TBCK: variants seen among roughly 807,000 people sequenced by gnomAD.
TBCK encodes TBC1 domain containing kinase.
Under a neutral mutation model 113.4 loss-of-function variants are expected in TBCK, and 99 were observed. The observed-to-expected ratio is 0.87, with a 90% CI of 0.74 to 1.03. TBCK has a LOEUF of 1.03. Among genes scored for constraint, TBCK ranks in the 50% least tolerant of loss-of-function variants. The pLI is 0.00. For synonymous variants in TBCK, 369 were observed against 370.8 expected, an observed-to-expected ratio of 1.00 and a Z score of 0.05; for missense variants, 1,045 against 1,061.3, an observed-to-expected ratio of 0.98 and a Z score of 0.21.
intron 11 of TBCK, 33 bp from the exon 12 acceptor site, chr4:106,242,602 C>G (rs1166653225): frequency 6.9e-7 from 1 of 1,455,366 alleles, no homozygotes; most frequent in Admixed American, 1.9e-5. Context: ...AATATGTACA[C>G]AAAATCCAGT....
intron 23 of TBCK, among the ~76,000 whole-genome samples, chr4:106,141,701 C>A (rs1747161064): frequency 1.4e-5 from 2 of 140,204 alleles, no homozygotes; most frequent in Non-Finnish European, 1.6e-5. Context: ...ATCTAGAAAA[C>A]CTTAAAATTC....
chr4:106,173,586 T>C (rs915628760), intron 22 of TBCK, among the ~76,000 whole-genome samples: 1 of 152,062 alleles, frequency 6.6e-6, no homozygotes, highest in African/African-American at 2.4e-5. Context: ...GAAAAGTTAT[T>C]TTTATCTGCT....
chr4:106,269,011 A>G (rs1030535443), intron 3 of TBCK, among the ~76,000 whole-genome samples: 45 of 152,134 alleles, frequency 3.0e-4, no homozygotes, highest in African/African-American at 1.1e-3. Context: ...GAGGAAACAC[A>G]TTTCTGCATT....
At chr4:106,270,488 C>A (rs148781413) in intron 3 of TBCK, among the ~76,000 whole-genome samples, 70 of 152,280 alleles carry the variant, frequency 4.6e-4, no homozygotes, top group African/African-American at 1.7e-3. Context: ...TGGAAGACTG[C>A]AACTTTTCTC....
intron 19 of TBCK, among the ~76,000 whole-genome samples, chr4:106,229,957 T>C (rs1032043740): frequency 2.2e-4 from 34 of 151,948 alleles, no homozygotes; most frequent in African/African-American, 8.2e-4. Flanking sequence ...ATTTTGGGTA[T>C]GCATGCATGG....
In TBCK at chr4:106,042,131, A is replaced by C. The variant is rs1280760932; in HGVS notation, c.*4439T>G. On this transcript the variant is annotated 3_prime_UTR_variant, in exon 26 of 26. Coordinates refer to ENST00000394708, the MANE Select transcript of TBCK (RefSeq NM_001163435.3). ...TCTTGACATTGAACATCCAAACTAAAATTGATCATAAATATTACCATTTTG... is the reference window on the plus strand; with the variant it reads ...TCTTGACATTGAACATCCAAACTAACATTGATCATAAATATTACCATTTTG... 3 of 152,160 alleles carry C rather than the reference A, an allele frequency of 2.0e-5. No individual in the cohort carries two copies. Among genetic ancestry groups the C allele is most frequent in the Non-Finnish European group, 4.4e-5 (3 of 68,034 alleles). The allele number at this position is 152,160 out of a possible 1,614,324, so 9.4% of individuals were successfully genotyped here.
intron 23 of TBCK, among the ~76,000 whole-genome samples, chr4:106,168,260 A>C (rs1750617563): frequency 6.6e-6 from 1 of 152,034 alleles, no homozygotes; most frequent in African/African-American, 2.4e-5. Flanking sequence ...TCATACAAAT[A>C]GATACAGGAA....
chr4:106,121,819 A>G (rs1385136759), intron 23 of TBCK, among the ~76,000 whole-genome samples: 1 of 152,190 alleles, frequency 6.6e-6, no homozygotes, highest in East Asian at 1.9e-4. Context: ...ATGTTCTTTG[A>G]AACCAACGAG....
chr4:106,163,033 T>A (rs1579091451), intron 23 of TBCK, among the ~76,000 whole-genome samples: 1 of 152,282 alleles, frequency 6.6e-6, no homozygotes, highest in East Asian at 1.9e-4. Context: ...TGCTTCCTCT[T>A]GGACACTTTG....
At chr4:106,243,851 G>T (rs1025146968) in intron 11 of TBCK, among the ~76,000 whole-genome samples, 3 of 151,870 alleles carry the variant, frequency 2.0e-5, no homozygotes, top group Non-Finnish European at 4.4e-5. Flanking sequence ...ACCACGCCCA[G>T]CTAATTTTTT....
chr4:106,109,774 G>A (rs1465708316), intron 24 of TBCK, among the ~76,000 whole-genome samples: 2 of 152,164 alleles, frequency 1.3e-5, no homozygotes, highest in East Asian at 3.8e-4. Context: ...ATTGACAAAT[G>A]GGGCCTAATT....
intron 23 of TBCK, among the ~76,000 whole-genome samples, chr4:106,149,724 T>TGACACAAA (rs779798043): frequency 1.2e-4 from 19 of 152,158 alleles, no homozygotes; most frequent in Non-Finnish European, 2.2e-4. Context: ...TACCAAAGTA[T>TGACACAAA]GACACAAAGA....
Position 106,265,712 on chromosome 4 carries a change from C to G in TBCK, c.267-3500G>C, listed in dbSNP as rs1449634447. ...GAGAATAGTTAGAAGTCTTTTAATT[C>G]TGGGAAAAGAGTATTATCTTCATTT... On this transcript the variant is annotated intron_variant, in intron 3 of 25. Coordinates refer to ENST00000394708, the MANE Select transcript of TBCK (RefSeq NM_001163435.3). Among the ~76,000 whole-genome samples the G allele has an allele frequency of 3.9e-5, 6 of 151,922 alleles. No individual in the cohort carries two copies. In the East Asian group the frequency reaches 1.2e-3, roughly 29 times the overall value.
At chr4:106,225,525 T>A (rs1758141162) in intron 19 of TBCK, among the ~76,000 whole-genome samples, 1 of 152,162 alleles carries the variant, frequency 6.6e-6, no homozygotes, top group African/African-American at 2.4e-5. Context: ...AGTGGCGCAA[T>A]CTCGGTTCAC....
At chr4:106,254,143 A>C (rs900898035) in intron 5 of TBCK, among the ~76,000 whole-genome samples, 3 of 152,140 alleles carry the variant, frequency 2.0e-5, no homozygotes, top group Non-Finnish European at 4.4e-5. Flanking sequence ...AAGCTCATTG[A>C]AAATCCAAGG....
At chr4:106,131,441 C>A (rs542169990) in intron 23 of TBCK, among the ~76,000 whole-genome samples, 31 of 152,218 alleles carry the variant, frequency 2.0e-4, no homozygotes, top group African/African-American at 7.5e-4. Flanking sequence ...GGAGAAACCC[C>A]GTCTCTACTA....
chr4:106,112,018 G>C (rs186087625), intron 24 of TBCK, among the ~76,000 whole-genome samples: 5 of 152,286 alleles, frequency 3.3e-5, no homozygotes, highest in Admixed American at 3.3e-4. Context: ...GAGACAACTA[G>C]ATTGCATTGA....
intron 22 of TBCK, among the ~76,000 whole-genome samples, chr4:106,178,654 G>C (rs928007162): frequency 1.3e-5 from 2 of 151,894 alleles, no homozygotes; most frequent in Admixed American, 6.6e-5. Flanking sequence ...CTGAATTCCT[G>C]GGATGAATCC....
At chr4:106,186,286 T>TA (rs574123078) in intron 22 of TBCK, among the ~76,000 whole-genome samples, 8 of 152,312 alleles carry the variant, frequency 5.3e-5, no homozygotes, top group African/African-American at 1.9e-4. Context: ...AGCTCTGTTT[T>TA]AAGTTCTTTC....
Sources: gnomAD v4.1 joint callset for allele counts (sites outside exome capture counted in the v4.1 genomes callset) on GRCh38, gnomAD v4.1.1 for gene constraint, MANE v1.5 for transcripts, NCBI Gene and HGNC (gene_info 2026-07-23, HGNC 2026-07-21) for gene names.